ABI3BP: variants seen among roughly 807,000 people sequenced by gnomAD.
The protein encoded by ABI3BP is target of Nesh-SH3.
Under a neutral mutation model 268.6 loss-of-function variants are expected in ABI3BP, and 216 were observed. The observed-to-expected ratio is 0.80, with a 90% CI of 0.72 to 0.90. The LOEUF (loss-of-function observed/expected upper bound fraction) is 0.90. Ranked by LOEUF, ABI3BP falls within the 40% of genes least tolerant of loss-of-function variation. The pLI, the probability that ABI3BP is intolerant of heterozygous loss-of-function variation, is 0.00. For missense variants in ABI3BP, 2,090 were observed against 2,182.4 expected, an observed-to-expected ratio of 0.96 and a Z score of 0.84; for synonymous variants, 730 against 730.0, an observed-to-expected ratio of 1.00 and a Z score of 0.00.
chr3:100,789,354 T>G, intron 56 of ABI3BP, 100 bp downstream of exon 56: 1 of 1,081,210 alleles, frequency 9.2e-7, no homozygotes, highest in Non-Finnish European at 1.4e-6. Context: ...CATCTCTTAT[T>G]GCAATGTAAG....
rs1452177996 is a variant in ABI3BP at position 100,811,693 on chromosome 3, G to C, written c.3493+35C>G. 18 of 1,515,338 alleles carry C rather than the reference G, an allele frequency of 1.2e-5. No individual in the cohort carries two copies. The Admixed American group carries it at 3.3e-4, about 28-fold the overall frequency. 93.9% of individuals were successfully genotyped at this position (1,515,338 alleles called of 1,614,324 possible). A position where few individuals can be genotyped will look rare whatever the true frequency, so the allele number is the denominator to read the frequency against. On this transcript the variant is annotated intron_variant, in intron 47 of 67. Coordinates refer to ENST00000471714, the MANE Select transcript of ABI3BP (RefSeq NM_001375547.2). ...AACTGATGTTAATTTAAAATGTGTGGAATAAATGAATCAAAGCATTAAAAC... is the reference window on the plus strand; with the variant it reads ...AACTGATGTTAATTTAAAATGTGTGCAATAAATGAATCAAAGCATTAAAAC...
chr3:100,944,236 C>G (rs932378527), intron 1 of ABI3BP, among the ~76,000 whole-genome samples: 1 of 152,068 alleles, frequency 6.6e-6, no homozygotes, highest in African/African-American at 2.4e-5. Flanking sequence ...TTTTAAAAAT[C>G]CTGTCCTTAC....
intron 1 of ABI3BP, among the ~76,000 whole-genome samples, chr3:100,934,467 G>T (rs946693487): frequency 7.2e-5 from 11 of 151,808 alleles, no homozygotes; most frequent in African/African-American, 2.7e-4. Flanking sequence ...CTTTATAGTA[G>T]AATGATTTAT....
chr3:100,948,522 C>T (rs1302049461), intron 1 of ABI3BP, among the ~76,000 whole-genome samples: 3 of 152,164 alleles, frequency 2.0e-5, no homozygotes, highest in Non-Finnish European at 4.4e-5. Context: ...GAAAACAAAG[C>T]AATTGCAGTT....
At chr3:100,764,244 A>G (rs1393941060) in intron 63 of ABI3BP, among the ~76,000 whole-genome samples, 2 of 152,112 alleles carry the variant, frequency 1.3e-5, no homozygotes, top group Non-Finnish European at 2.9e-5. Context: ...CTAATTTCTG[A>G]TGACGTTGCG....
At chr3:100,827,349 C>T (rs995511888) in intron 34 of ABI3BP, among the ~76,000 whole-genome samples, 3 of 152,066 alleles carry the variant, frequency 2.0e-5, no homozygotes, top group African/African-American at 7.2e-5. Context: ...CCTCTGGACG[C>T]CCTCACTAAG....
intron 1 of ABI3BP, among the ~76,000 whole-genome samples, chr3:100,936,109 G>A (rs2066006240): frequency 6.6e-6 from 1 of 152,098 alleles, no homozygotes; most frequent in African/African-American, 2.4e-5. Context: ...TATTGGCTGT[G>A]GGTTTGTCAT....
At chr3:100,890,619 T>G (rs1438242016) in intron 4 of ABI3BP, among the ~76,000 whole-genome samples, 1 of 152,130 alleles carries the variant, frequency 6.6e-6, no homozygotes, top group African/African-American at 2.4e-5. Context: ...AACATGAAAT[T>G]TCTTAATAAT....
rs2097349277 is a variant in ABI3BP at position 100,796,486 on chromosome 3, T to A, written c.3758-18A>T. On this transcript the variant is annotated intron_variant, in intron 51 of 67. Coordinates refer to ENST00000471714, the MANE Select transcript of ABI3BP (RefSeq NM_001375547.2). Reference sequence around the variant, plus strand: ...TTTTGGAGCTGAAAGAAAAAGATTATAAAACACTGCATACTCTAAATAACC... The same window carrying A: ...TTTTGGAGCTGAAAGAAAAAGATTAAAAAACACTGCATACTCTAAATAACC... 1.3e-6 allele frequency: 2 copies of A among 1,588,528 alleles called. No individual in the cohort carries two copies. The highest frequency in any genetic ancestry group is 2.7e-5 in the African/African-American group (2 of 74,054).
At chr3:100,835,748 A>G (rs1045374393) in intron 27 of ABI3BP, 88 bp from the exon 28 acceptor site, 2 of 1,051,634 alleles carry the variant, frequency 1.9e-6, no homozygotes, top group Non-Finnish European at 1.4e-6. Flanking sequence ...TAACCCTTTA[A>G]TGTTTTAAAT....
At chr3:100,838,088 T>G (rs2098632473) in intron 26 of ABI3BP, 122 bp downstream of exon 26, 1 of 1,141,856 alleles carries the variant, frequency 8.8e-7, no homozygotes, top group African/African-American at 1.6e-5. Context: ...TTGGAGAAGA[T>G]AATGAACAAA....
intron 37 of ABI3BP, among the ~76,000 whole-genome samples, chr3:100,823,123 A>G (rs572914677): frequency 1.9e-4 from 29 of 152,276 alleles, no homozygotes; most frequent in South Asian, 4.2e-4. Context: ...CAGATGTACA[A>G]TGGGTTCTCT....
chr3:100,833,440 TA>T (rs1218227291), intron 29 of ABI3BP, among the ~76,000 whole-genome samples: 2 of 152,174 alleles, frequency 1.3e-5, no homozygotes, highest in Non-Finnish European at 2.9e-5. Flanking sequence ...TTAGGACATC[TA>T]ATAATGTTAT....
intron 1 of ABI3BP, among the ~76,000 whole-genome samples, chr3:100,949,764 G>C (rs923269835): frequency 6.6e-6 from 1 of 152,126 alleles, no homozygotes; most frequent in Non-Finnish European, 1.5e-5. Context: ...ATATTTCCAT[G>C]ATCTTGAGAT....
intron 63 of ABI3BP, among the ~76,000 whole-genome samples, chr3:100,762,264 A>G (rs185916589): frequency 5.3e-4 from 80 of 152,352 alleles, no homozygotes; most frequent in Non-Finnish European, 9.4e-4. Flanking sequence ...GGTAGTATGA[A>G]AAAAGCTTTT....
intron 14 of ABI3BP, among the ~76,000 whole-genome samples, chr3:100,861,556 A>T (rs953235414): frequency 6.6e-6 from 1 of 152,216 alleles, no homozygotes; most frequent in African/African-American, 2.4e-5. Flanking sequence ...GTCTTCTTAT[A>T]ATTCTCATAT....
intron 1 of ABI3BP, among the ~76,000 whole-genome samples, chr3:100,982,715 A>G (rs2090137650): frequency 6.6e-6 from 1 of 152,118 alleles, no homozygotes; most frequent in Non-Finnish European, 1.5e-5. Flanking sequence ...AAAAAGGAAT[A>G]GTTAGGGAAG....
At chr3:100,902,538 G>C in intron 3 of ABI3BP, 80 bp downstream of exon 3, 13 of 1,314,314 alleles carry the variant, frequency 9.9e-6, no homozygotes, top group Non-Finnish European at 1.4e-5. Context: ...AAGGCATTTG[G>C]TCTCCAGGGG....
intron 65 of ABI3BP, 75 bp from the exon 66 acceptor site, chr3:100,753,023 T>A: frequency 1.4e-6 from 2 of 1,422,242 alleles, no homozygotes; most frequent in Non-Finnish European, 1.9e-6. Context: ...TTTACAAAAT[T>A]TGTCAACTTG....
Sources: allele counts gnomAD v4.1 joint callset (sites outside exome capture counted in the v4.1 genomes callset), GRCh38; gene constraint gnomAD v4.1.1; transcripts MANE v1.5; gene names NCBI Gene and HGNC (gene_info 2026-07-23, HGNC 2026-07-21).